FAT3: variants seen among roughly 807,000 people sequenced by gnomAD.
The protein encoded by FAT3 is FAT atypical cadherin 3.
In FAT3, 95 loss-of-function variants were observed where a neutral mutation model predicts 310.2. The observed-to-expected ratio is 0.31, with a 90% CI of 0.26 to 0.36. FAT3 has a LOEUF of 0.36. FAT3 is among the 10% of genes least tolerant of loss of function. The pLI is 1.00. For synonymous variants in FAT3, 2,314 were observed against 2,192.9 expected (o/e 1.06, Z -1.54); for missense variants, 5,408 against 5,715.6 (o/e 0.95, Z 1.74).
chr11:92,833,550 A>G (rs1039124905), intron 14 of FAT3, among the ~76,000 whole-genome samples: 2 of 152,164 alleles, frequency 1.3e-5, no homozygotes, highest in African/African-American at 4.8e-5. Flanking sequence ...GATCTTTCTG[A>G]CTCTAGAATG....
chr11:92,242,575 A>T (rs1864711585), intron 1 of FAT3, among the ~76,000 whole-genome samples: 1 of 152,006 alleles, frequency 6.6e-6, no homozygotes, highest in South Asian at 2.1e-4. Flanking sequence ...GGAGATAAAT[A>T]AATCACTGTT....
At chr11:92,835,446 C>CT (rs932682215) in intron 15 of FAT3, among the ~76,000 whole-genome samples, 22 of 151,480 alleles carry the variant, frequency 1.5e-4, no homozygotes, top group Non-Finnish European at 2.9e-4. Flanking sequence ...TTCTTTTTTT[C>CT]TTTTTTTTGA....
At chr11:92,433,639 G>T (rs370120405) in intron 2 of FAT3, among the ~76,000 whole-genome samples, 1 of 152,088 alleles carries the variant, frequency 6.6e-6, no homozygotes, top group South Asian at 2.1e-4. Context: ...TTTATGCATT[G>T]GTCTCACCGG....
In FAT3 at chr11:92,353,486, C is replaced by A; in HGVS notation, c.1374C>A (p.Val458=). Residue 458 remains valine (V), a synonymous_variant, in exon 2 of 28, where the codon GTC becomes GTA. Transcript: ENST00000525166. ...TNKEGDLKAQ[V]TISIEDANDH... ...AGGAAGGAGATTTAAAAGCACAGGT[C>A]ACCATCAGCATAGAAGATGCAAATG... The A allele has an allele frequency of 6.2e-7, 1 of 1,613,360 alleles. No homozygotes were observed. Among genetic ancestry groups the A allele is most frequent in the South Asian group, 1.1e-5 (1 of 90,986 alleles).
chr11:92,531,500 T>C (rs1295463604), intron 3 of FAT3, among the ~76,000 whole-genome samples: 1 of 151,938 alleles, frequency 6.6e-6, no homozygotes, highest in Non-Finnish European at 1.5e-5. Context: ...ATAAGAAAAA[T>C]GATGCTCTTG....
rs1001382721 is a variant in FAT3 at position 92,866,966 on chromosome 11, G to A, written c.11884G>A (p.Val3962Met). 1 of 1,612,952 alleles carries A rather than the reference G, an allele frequency of 6.2e-7. No individual in the cohort carries two copies. Among genetic ancestry groups the A allele is most frequent in the East Asian group, 2.2e-5 (1 of 44,864 alleles). The change falls in exon 22 of 28, where the codon GTG (valine) becomes ATG (methionine). Residue 3962 changes from valine (V) to methionine (M), a missense_variant. Val to Met is a conservative substitution (Grantham distance 21). This residue lies in a region of FAT3 where 4,588 missense variants were observed against 4,809.8 expected (regional missense o/e 0.95). Transcript: ENST00000525166. ...TESSIYFGAL[V>M]QADNIRSLTD... ...GAGTAGCATCTACTTCGGCGCCCTG[G>A]TGCAAGCGGATAACATCCGCAGCCT...
chr11:92,373,301 T>C (rs980286484), intron 2 of FAT3, among the ~76,000 whole-genome samples: 3 of 152,190 alleles, frequency 2.0e-5, no homozygotes, highest in Admixed American at 2.0e-4. Flanking sequence ...AGGTAGGTAC[T>C]CTTACTGCTC....
rs186251507 is a variant in FAT3 at position 92,340,778 on chromosome 11, A to G, written c.-17-11318A>G. Among the ~76,000 whole-genome samples the G allele has an allele frequency of 2.0e-4, 30 of 151,778 alleles. No individual in the cohort carries two copies. In the East Asian group the frequency reaches 5.5e-3, roughly 28 times the overall value. On this transcript the variant is annotated intron_variant, in intron 1 of 27. Transcript: ENST00000525166. ...CTTGGTCTCATTAGCACTGAGTACT[A>G]ACTAATCCAGGCAATGTGGGCTTAT... is the stretch of plus-strand genomic sequence containing the variant.
rs142491390 is a variant in FAT3, at chr11:92,401,068, C to T, written c.3292+45664C>T. Among the ~76,000 whole-genome samples, 42 of 152,236 alleles carry T rather than the reference C, an allele frequency of 2.8e-4. No individual in the cohort carries two copies. In the East Asian group the frequency reaches 7.7e-3, roughly 28 times the overall value. Reference sequence around the variant, plus strand: ...TTGGAAGTCCTTATTGCCATTCTTACAACAAGAGAAAAATGAACTAACTAG... The same window carrying T: ...TTGGAAGTCCTTATTGCCATTCTTATAACAAGAGAAAAATGAACTAACTAG... On this transcript the variant is annotated intron_variant, in intron 2 of 27. Transcript: ENST00000525166.
At chr11:92,344,029 C>T (rs1403737300) in intron 1 of FAT3, among the ~76,000 whole-genome samples, 1 of 152,104 alleles carries the variant, frequency 6.6e-6, no homozygotes, top group Non-Finnish European at 1.5e-5. Context: ...TGAAATTGTA[C>T]ATATTATATC....
Position 92,718,667 on chromosome 11 carries a change from A to C in FAT3, c.3669+21222A>C, listed in dbSNP as rs192922844. Among the ~76,000 whole-genome samples the C allele has an allele frequency of 1.8e-3, 275 of 152,344 alleles. 3 individuals are homozygous for C. Among genetic ancestry groups the C allele is most frequent in the African/African-American group, 6.1e-3 (255 of 41,588 alleles). ...CCTCTCCATCCTCTACAGTAAGCTC[A>C]GTAATGACTGAAACCAAGCATACAT... On this transcript the variant is annotated intron_variant, in intron 4 of 27. Coordinates refer to ENST00000525166, the MANE Select transcript of FAT3 (RefSeq NM_001367949.2).
chr11:92,733,560 G>C (rs187750486), intron 4 of FAT3, among the ~76,000 whole-genome samples: 1 of 152,168 alleles, frequency 6.6e-6, no homozygotes. Flanking sequence ...ATGCAGAGTT[G>C]GACAGCAGTC....
rs1055844261 is a variant in FAT3 at position 92,893,081 on chromosome 11, C to T, written c.*1968C>T. The T allele has an allele frequency of 6.2e-4, 95 of 152,252 alleles. No homozygotes were observed. The highest frequency in any genetic ancestry group is 2.0e-3 in the African/African-American group (81 of 41,518). 9.4% of individuals were successfully genotyped at this position (152,252 alleles called of 1,614,324 possible). A position where few individuals can be genotyped will look rare whatever the true frequency, so the allele number is the denominator to read the frequency against. On this transcript the variant is annotated 3_prime_UTR_variant, in exon 28 of 28. Transcript: ENST00000525166. ...CTGTCCCTAGTCTGTGCATTATTCA[C>T]TCAGACATATTTTTAGTTATTTCAA...
At chr11:92,436,014 G>A (rs1203434335) in intron 2 of FAT3, among the ~76,000 whole-genome samples, 2 of 152,222 alleles carry the variant, frequency 1.3e-5, no homozygotes, top group African/African-American at 2.4e-5. Flanking sequence ...TAAAGCACAT[G>A]TGATGATGCT....
At position 92,353,128 on chromosome 11, in the gene FAT3, A is replaced by G; in HGVS notation, c.1016A>G (p.Tyr339Cys). 5.0e-6 allele frequency: 8 copies of G among 1,613,684 alleles called. No individual in the cohort carries two copies. The highest frequency in any genetic ancestry group is 6.8e-6 in the Non-Finnish European group (8 of 1,179,842). The change falls in exon 2 of 28, where the codon TAT becomes TGT. Residue 339 changes from tyrosine to cysteine, a missense_variant. Coordinates refer to ENST00000525166, the MANE Select transcript of FAT3 (RefSeq NM_001367949.2). The part of the protein sequence containing the change: ...RKQIDWESFP[Y>C]GYNLTLQAKD... ...CAGATTGACTGGGAGAGCTTTCCCTATGGCTACAATCTCACTCTTCAAGCA... is the reference window on the plus strand; with the variant it reads ...CAGATTGACTGGGAGAGCTTTCCCTGTGGCTACAATCTCACTCTTCAAGCA...
intron 2 of FAT3, among the ~76,000 whole-genome samples, chr11:92,453,296 A>G (rs1202591586): frequency 6.6e-6 from 1 of 152,162 alleles, no homozygotes; most frequent in Non-Finnish European, 1.5e-5. Flanking sequence ...ACCAAATGAG[A>G]TCAGTTAAAT....
At chr11:92,675,210 G>A (rs1943251078) in intron 3 of FAT3, among the ~76,000 whole-genome samples, 1 of 152,184 alleles carries the variant, frequency 6.6e-6, no homozygotes, top group South Asian at 2.1e-4. Flanking sequence ...CAAACTAACA[G>A]TGAGAAAAAC....
chr11:92,808,513 T>C (rs1013207780), intron 12 of FAT3, among the ~76,000 whole-genome samples: 3 of 152,042 alleles, frequency 2.0e-5, no homozygotes, highest in Non-Finnish European at 2.9e-5. Flanking sequence ...TGGAGTGTCT[T>C]GAATGTCCCA....
intron 1 of FAT3, among the ~76,000 whole-genome samples, chr11:92,326,489 A>G (rs556254457): frequency 6.6e-6 from 1 of 152,334 alleles, no homozygotes; most frequent in Admixed American, 6.5e-5. Flanking sequence ...CGGTAGACAA[A>G]GAAGGAAACA....
Sources: gnomAD v4.1 joint callset for allele counts (sites outside exome capture counted in the v4.1 genomes callset) on GRCh38, gnomAD v4.1.1 for gene constraint, gnomAD v4.1.1 regional missense constraint, MANE v1.5 for transcripts, NCBI Gene and HGNC (gene_info 2026-07-23, HGNC 2026-07-21) for gene names.